Variants in LRRFIP2 observed in about 807,000 individuals in gnomAD.
The protein encoded by LRRFIP2 is leucine-rich repeat flightless-interacting protein 2.
In LRRFIP2, 109 loss-of-function variants were observed where a neutral mutation model predicts 125.9. That is an observed-to-expected ratio of 0.87 (90% CI 0.74 to 1.01). The LOEUF (loss-of-function observed/expected upper bound fraction) is 1.01. Ranked by LOEUF, LRRFIP2 falls within the 50% of genes least tolerant of loss-of-function variation. The probability of loss-of-function intolerance (pLI) is 0.00; values close to 1 mark genes in which losing one functional copy is unlikely to be tolerated. For synonymous variants in LRRFIP2, 291 were observed against 293.1 expected, an observed-to-expected ratio of 0.99 and a Z score of 0.07; for missense variants, 850 against 862.3, an observed-to-expected ratio of 0.99 and a Z score of 0.18.
intron 3 of LRRFIP2, 95 bp downstream of exon 3, chr3:37,128,968 G>A (rs2095356957): frequency 3.6e-6 from 4 of 1,111,658 alleles, no homozygotes; most frequent in Non-Finnish European, 5.5e-6. Context: ...TATTTTCAAT[G>A]TTTCAAAGGA....
At chr3:37,081,909 A>C (rs1213078534) in intron 19 of LRRFIP2, among the ~76,000 whole-genome samples, 1 of 151,784 alleles carries the variant, frequency 6.6e-6, no homozygotes, top group African/African-American at 2.4e-5. Context: ...AAAAAAAAAA[A>C]AAGGACAAGA....
intron 4 of LRRFIP2, among the ~76,000 whole-genome samples, 162 bp downstream of exon 4, chr3:37,127,468 A>G (rs1379807207): frequency 6.6e-6 from 1 of 152,232 alleles, no homozygotes; most frequent in African/African-American, 2.4e-5. Flanking sequence ...GCAGGACTCC[A>G]AGTATACCTC....
chr3:37,136,345 T>A (rs891643075), intron 2 of LRRFIP2, among the ~76,000 whole-genome samples: 1 of 152,194 alleles, frequency 6.6e-6, no homozygotes, highest in African/African-American at 2.4e-5. Context: ...GATGAAATGT[T>A]ATGCAATTAG....
At chr3:37,148,442 A>G (rs962136906) in intron 2 of LRRFIP2, among the ~76,000 whole-genome samples, 13 of 152,338 alleles carry the variant, frequency 8.5e-5, no homozygotes, top group Middle Eastern at 3.4e-3. Flanking sequence ...TTTACCTAGT[A>G]GCTGCGGAAA....
intron 26 of LRRFIP2, 147 bp downstream of exon 26, chr3:37,054,939 C>A: frequency 1.7e-6 from 1 of 588,998 alleles, no homozygotes. Flanking sequence ...TAAAATGTCC[C>A]AACAAGTGCT....
At position 37,060,829 on chromosome 3, in the gene LRRFIP2, C is replaced by G. The variant is rs2088420693; in HGVS notation, c.1750-1919G>C. ...AACTTGCACTCCCTCTAGACTATTC[C>G]TGTCTTAATTTTTGGCAATTTCAAT... On this transcript the variant is annotated intron_variant, in intron 24 of 27. Transcript: ENST00000336686. This position sits in a 1 kb window ranked among gnomAD's most constrained non-coding sequence, Gnocchi z 4.1. Among the ~76,000 whole-genome samples the G allele has an allele frequency of 6.6e-6, 1 of 152,132 alleles. No homozygotes were observed. The highest frequency in any genetic ancestry group is 2.4e-5 in the African/African-American group (1 of 41,416).
At chr3:37,115,212 T>A in intron 6 of LRRFIP2, 117 bp from the exon 7 acceptor site, 1 of 668,156 alleles carries the variant, frequency 1.5e-6, no homozygotes, top group Non-Finnish European at 2.6e-6. Context: ...AATAAAAAAT[T>A]ATTAAACATG....
intron 1 of LRRFIP2, among the ~76,000 whole-genome samples, chr3:37,165,805 G>GAAAA (rs71091698): frequency 0.19 from 19,833 of 106,102 alleles, 2,099 homozygotes; most frequent in African/African-American, 0.21. Context: ...GAGAAAGAAA[G>GAAAA]AAAGAAAGAA....
chr3:37,133,215 ACT>A (rs2095474928), intron 2 of LRRFIP2, among the ~76,000 whole-genome samples: 1 of 152,216 alleles, frequency 6.6e-6, no homozygotes, highest in South Asian at 2.1e-4. Context: ...ACAGAGTGAA[ACT>A]CTGTCTCAGA....
chr3:37,117,076 T>G (rs3774321), intron 6 of LRRFIP2, among the ~76,000 whole-genome samples: 54,180 of 151,064 alleles, frequency 0.36, 10,700 homozygotes, highest in Non-Finnish European at 0.45. Flanking sequence ...AAAATAAAGT[T>G]GCTTCTCTAT....
chr3:37,059,058 G>GA (rs1220629502), intron 24 of LRRFIP2, 148 bp from the exon 25 acceptor site: 1 of 910,304 alleles, frequency 1.1e-6, no homozygotes, highest in African/African-American at 1.7e-5. Context: ...CCTAATAGGA[G>GA]ACACACATCG....
intron 4 of LRRFIP2, among the ~76,000 whole-genome samples, chr3:37,126,868 A>AGAAAG (rs1553769308): frequency 2.7e-5 from 4 of 147,220 alleles, no homozygotes; most frequent in Non-Finnish European, 4.5e-5. Context: ...TCAAAAAAAA[A>AGAAAG]AAAGAAAGAA....
chr3:37,106,848 A>T (rs967246865), intron 13 of LRRFIP2, among the ~76,000 whole-genome samples: 1 of 152,180 alleles, frequency 6.6e-6, no homozygotes, highest in Admixed American at 6.5e-5. Context: ...TGGTCATTGT[A>T]TAAGTGTCTA....
At chr3:37,120,129 T>C (rs1365626513) in intron 6 of LRRFIP2, among the ~76,000 whole-genome samples, 3 of 147,196 alleles carry the variant, frequency 2.0e-5, no homozygotes, top group Non-Finnish European at 4.5e-5. Context: ...TTTTTTGAGA[T>C]GGAGTTTTGC....
chr3:37,116,069 C>T (rs2094769004), intron 6 of LRRFIP2, among the ~76,000 whole-genome samples: 2 of 152,032 alleles, frequency 1.3e-5, no homozygotes, highest in African/African-American at 4.8e-5. Flanking sequence ...TCTAAAGTAA[C>T]GTTTTCATAA....
chr3:37,065,458 A>C (rs964516372), intron 23 of LRRFIP2: 5 of 428,188 alleles, frequency 1.2e-5, no homozygotes, highest in African/African-American at 6.1e-5. Flanking sequence ...AGAAACTTAT[A>C]ACACACTTGA....
intron 1 of LRRFIP2, among the ~76,000 whole-genome samples, chr3:37,156,261 C>T (rs950811742): frequency 6.6e-6 from 1 of 152,210 alleles, no homozygotes; most frequent in Admixed American, 6.5e-5. Context: ...AGGCAAGTTG[C>T]TTGAGCCCAG....
chr3:37,070,950 C>G (rs1329618229), intron 21 of LRRFIP2, among the ~76,000 whole-genome samples: 1 of 150,488 alleles, frequency 6.6e-6, no homozygotes, highest in Non-Finnish European at 1.5e-5. Flanking sequence ...CAGATTTTAA[C>G]TAAAAATTTT....
Position 37,115,035 on chromosome 3 carries a change from A to G in LRRFIP2, c.372+19T>C, listed in dbSNP as rs375598296. ...TAAAGTAAAATTCCACATATAACACAAAGTCATGTGCTACATACTAATGAT... is the reference window on the plus strand; with the variant it reads ...TAAAGTAAAATTCCACATATAACACGAAGTCATGTGCTACATACTAATGAT... On this transcript the variant is annotated intron_variant, in intron 7 of 27. Transcript: ENST00000336686. 6 of 1,584,220 alleles carry G rather than the reference A, an allele frequency of 3.8e-6. No homozygotes were observed. Among genetic ancestry groups the G allele is most frequent in the Admixed American group, 1.7e-5 (1 of 59,388 alleles).
Sources: allele counts gnomAD v4.1 joint callset (sites outside exome capture counted in the v4.1 genomes callset), GRCh38; gene constraint gnomAD v4.1.1; non-coding constraint Gnocchi (gnomAD v3.1); transcripts MANE v1.5; gene names NCBI Gene and HGNC (gene_info 2026-07-23, HGNC 2026-07-21).